CTNNA3: variants seen among roughly 807,000 people sequenced by gnomAD.
CTNNA3 encodes the protein catenin alpha 3.
CTNNA3 carries 76 observed loss-of-function variants against 95.7 expected under a neutral mutation model. The observed-to-expected ratio is 0.79, with a 90% CI of 0.66 to 0.96. The LOEUF is 0.96. Among genes scored for constraint, CTNNA3 ranks in the 40% least tolerant of loss-of-function variants. The pLI is 0.00. For missense variants in CTNNA3, 1,191 were observed against 1,089.8 expected (o/e 1.09, Z -1.31); for synonymous variants, 431 against 374.4 (o/e 1.15, Z -1.74).
intron 5 of CTNNA3, among the ~76,000 whole-genome samples, chr10:67,443,781 G>A (rs2132940941): frequency 6.6e-6 from 1 of 152,080 alleles, no homozygotes; most frequent in Admixed American, 6.6e-5. Flanking sequence ...CTTTTGCTGT[G>A]CAGGAGCTCT....
chr10:67,293,347 G>A (rs1476230124), intron 5 of CTNNA3, among the ~76,000 whole-genome samples: 1 of 152,008 alleles, frequency 6.6e-6, no homozygotes, highest in Non-Finnish European at 1.5e-5. Context: ...CTATTACAGG[G>A]CAGAATTTAA....
chr10:66,520,245 C>CTTTTTTTTTT (rs543882241), intron 11 of CTNNA3, among the ~76,000 whole-genome samples: 5 of 78,012 alleles, frequency 6.4e-5, no homozygotes, highest in East Asian at 4.0e-4. Context: ...TAGTATTATT[C>CTTTTTTTTTT]TTTTTTTTTT....
intron 5 of CTNNA3, among the ~76,000 whole-genome samples, chr10:67,396,819 T>A (rs1358867620): frequency 6.6e-6 from 1 of 151,902 alleles, no homozygotes; most frequent in Non-Finnish European, 1.5e-5. Flanking sequence ...CATGCTGCTG[T>A]TATTGTGATA....
chr10:67,099,178 C>T (rs974292439), intron 7 of CTNNA3: 3 of 151,708 alleles, frequency 2.0e-5, no homozygotes, highest in Non-Finnish European at 4.4e-5. Flanking sequence ...ATTGATTATA[C>T]AATTGTATTA....
rs564137823 is a variant in CTNNA3 at position 66,122,836 on chromosome 10, T to A, written c.1885-19587A>T. On this transcript the variant is annotated intron_variant, in intron 13 of 17. Coordinates refer to ENST00000433211, the MANE Select transcript of CTNNA3 (RefSeq NM_013266.4). ...GGGAGAACTCCTCTTTTTAAAACCATCAGATCTTGTGAGACTCATTTACTA... is the reference window on the plus strand; with the variant it reads ...GGGAGAACTCCTCTTTTTAAAACCAACAGATCTTGTGAGACTCATTTACTA... Among the ~76,000 whole-genome samples the A allele has an allele frequency of 1.3e-4, 20 of 152,220 alleles. No homozygotes were observed. The South Asian group carries it at 3.1e-3, about 24-fold the overall frequency.
At chr10:66,497,052 G>C (rs541465876) in intron 11 of CTNNA3, among the ~76,000 whole-genome samples, 46 of 151,998 alleles carry the variant, frequency 3.0e-4, no homozygotes, top group Non-Finnish European at 5.6e-4. Context: ...TTGGATTGAG[G>C]CTCATCCTAA....
At chr10:67,433,179 T>C (rs901445716) in intron 5 of CTNNA3, among the ~76,000 whole-genome samples, 1 of 151,900 alleles carries the variant, frequency 6.6e-6, no homozygotes, top group Non-Finnish European at 1.5e-5. Context: ...AACTGTAGGG[T>C]TATTAATTGA....
intron 3 of CTNNA3, among the ~76,000 whole-genome samples, chr10:67,584,413 G>T (rs1842543867): frequency 6.6e-6 from 1 of 152,192 alleles, no homozygotes. Flanking sequence ...GTTGCTGCCT[G>T]ATCCTTCTTC....
chr10:67,550,275 C>T (rs1840978087), intron 3 of CTNNA3, among the ~76,000 whole-genome samples: 1 of 151,992 alleles, frequency 6.6e-6, no homozygotes, highest in East Asian at 1.9e-4. Flanking sequence ...TAAATAGTTC[C>T]CCGAAGAATA....
chr10:66,134,918 T>C (rs2083279102), intron 13 of CTNNA3, among the ~76,000 whole-genome samples: 1 of 152,140 alleles, frequency 6.6e-6, no homozygotes, highest in African/African-American at 2.4e-5. Flanking sequence ...TTGGAAATAT[T>C]ATAACAAAAG....
intron 13 of CTNNA3, among the ~76,000 whole-genome samples, chr10:66,201,089 T>C (rs1331204377): frequency 6.6e-6 from 1 of 152,222 alleles, no homozygotes; most frequent in African/African-American, 2.4e-5. Context: ...ATCTATAAAC[T>C]TATGTGATTT....
At chr10:67,298,394 T>C (rs1016413458) in intron 5 of CTNNA3, among the ~76,000 whole-genome samples, 2 of 152,230 alleles carry the variant, frequency 1.3e-5, no homozygotes, top group African/African-American at 2.4e-5. Context: ...TTTTTCACTT[T>C]AGAATAACCT....
chr10:66,541,631 A>G (rs887919859), intron 10 of CTNNA3, among the ~76,000 whole-genome samples: 1 of 152,162 alleles, frequency 6.6e-6, no homozygotes, highest in Non-Finnish European at 1.5e-5. Context: ...TAGATATTGT[A>G]TGATACTAAA....
chr10:66,775,782 G>A (rs1279842823), intron 7 of CTNNA3, among the ~76,000 whole-genome samples: 1 of 152,150 alleles, frequency 6.6e-6, no homozygotes, highest in African/African-American at 2.4e-5. Context: ...AATAGGCAGA[G>A]CATTATCTTC....
At chr10:67,249,880 G>A (rs1247086731) in intron 5 of CTNNA3, among the ~76,000 whole-genome samples, 1 of 152,160 alleles carries the variant, frequency 6.6e-6, no homozygotes, top group Non-Finnish European at 1.5e-5. Flanking sequence ...GAAAACTGGA[G>A]ACCCAGAAAA....
chr10:66,481,055 A>G (rs955873970), intron 11 of CTNNA3, among the ~76,000 whole-genome samples: 4 of 152,238 alleles, frequency 2.6e-5, no homozygotes, highest in Non-Finnish European at 4.4e-5. Context: ...TAAATAAAGG[A>G]GAACACCAAA....
intron 7 of CTNNA3, among the ~76,000 whole-genome samples, chr10:67,136,893 GAAGA>G (rs553349961): frequency 6.1e-4 from 93 of 152,266 alleles, no homozygotes; most frequent in Admixed American, 1.8e-3. Flanking sequence ...CTCATTCAGA[GAAGA>G]AAGAAGAGAA....
chr10:67,078,136 T>C (rs1043721405), intron 7 of CTNNA3, among the ~76,000 whole-genome samples: 3 of 152,194 alleles, frequency 2.0e-5, no homozygotes, highest in African/African-American at 7.2e-5. Context: ...TAATAACCTC[T>C]AACAAAGGTA....
chr10:66,628,361 C>T (rs1273879613), intron 9 of CTNNA3, among the ~76,000 whole-genome samples: 1 of 151,826 alleles, frequency 6.6e-6, no homozygotes, highest in East Asian at 1.9e-4. Flanking sequence ...AATTCTGTAC[C>T]GTATGAATAT....
Sources: allele counts gnomAD v4.1 joint callset (sites outside exome capture counted in the v4.1 genomes callset), GRCh38; gene constraint gnomAD v4.1.1; transcripts MANE v1.5; gene names NCBI Gene and HGNC (gene_info 2026-07-23, HGNC 2026-07-21).